FNIP1: variants seen among roughly 807,000 people sequenced by gnomAD.
FNIP1 encodes folliculin-interacting protein 1.
FNIP1 carries 40 observed loss-of-function variants against 124.5 expected under a neutral mutation model. The observed-to-expected ratio is 0.32, with a 90% confidence interval of 0.25 to 0.42. The LOEUF (loss-of-function observed/expected upper bound fraction) is 0.42. Among genes scored for constraint, FNIP1 ranks in the 10% least tolerant of loss-of-function variants. The probability of loss-of-function intolerance (pLI) is 1.00; values close to 1 mark genes in which losing one functional copy is unlikely to be tolerated. For synonymous variants in FNIP1, 472 were observed against 470.6 expected (o/e 1.00, Z -0.04); for missense variants, 1,176 against 1,403.7 (o/e 0.84, Z 2.59).
chr5:131,780,106 C>A (rs150048057), intron 1 of FNIP1, among the ~76,000 whole-genome samples: 1 of 152,134 alleles, frequency 6.6e-6, no homozygotes, highest in South Asian at 2.1e-4. Flanking sequence ...GCAAGGGACA[C>A]TGACACATTC....
At chr5:131,727,006 TGA>T (rs1198811701) in intron 3 of FNIP1, among the ~76,000 whole-genome samples, 1 of 152,248 alleles carries the variant, frequency 6.6e-6, no homozygotes, top group East Asian at 1.9e-4. Context: ...CACTTTGGTC[TGA>T]GAGACTGTTT....
At chr5:131,718,922 G>A in intron 5 of FNIP1, 64 bp downstream of exon 5, 1 of 1,342,832 alleles carries the variant, frequency 7.4e-7, no homozygotes, top group Admixed American at 1.8e-5. Flanking sequence ...AAAAGCAGTT[G>A]GTTAGTTTTC....
rs746967626 is a variant in FNIP1, at chr5:131,672,613, T to C, written c.1831A>G (p.Lys611Glu). ...CCAAGGAGTGGATGACTGCAATATT[T>C]ACAGTTACAATTGGGAGTTCTAATT... The part of the protein sequence containing the change: ...EEIRTPNCNC[K>E]YCSHPLLGQN... Residue 611 changes from lysine to glutamate, a missense_variant, in exon 14 of 18, where the codon AAA becomes GAA. By Grantham distance (56) the Lys-to-Glu change is moderately conservative. This residue lies in a region of FNIP1 where 1,109 missense variants were observed against 1,288.5 expected (regional missense o/e 0.86). Coordinates refer to ENST00000510461, the MANE Select transcript of FNIP1 (RefSeq NM_133372.3). The C allele has an allele frequency of 3.1e-6, 5 of 1,614,096 alleles. No individual in the cohort carries two copies. In the East Asian group the frequency reaches 1.1e-4, roughly 36 times the overall value.
At chr5:131,738,450 T>C (rs771724800) in intron 2 of FNIP1, among the ~76,000 whole-genome samples, 1 of 152,162 alleles carries the variant, frequency 6.6e-6, no homozygotes, top group Non-Finnish European at 1.5e-5. Flanking sequence ...GGCTGTCAAA[T>C]TTGTCAATCT....
At chr5:131,755,116 C>T (rs1185280663) in intron 1 of FNIP1, among the ~76,000 whole-genome samples, 3 of 152,026 alleles carry the variant, frequency 2.0e-5, no homozygotes, top group South Asian at 4.2e-4. Context: ...GATGTGCAAC[C>T]GATTGATGAA....
At chr5:131,661,638 C>G (rs1767439993) in intron 15 of FNIP1, among the ~76,000 whole-genome samples, 1 of 152,186 alleles carries the variant, frequency 6.6e-6, no homozygotes, top group African/African-American at 2.4e-5. Flanking sequence ...TGGGTGACAT[C>G]TTACAAAGTT....
At chr5:131,768,896 G>A (rs1202950121) in intron 1 of FNIP1, among the ~76,000 whole-genome samples, 1 of 152,054 alleles carries the variant, frequency 6.6e-6, no homozygotes, top group East Asian at 1.9e-4. Flanking sequence ...TGACTAAGTG[G>A]GGACACACAT....
chr5:131,680,187 T>C (rs1441823374), intron 11 of FNIP1, among the ~76,000 whole-genome samples: 3 of 152,184 alleles, frequency 2.0e-5, no homozygotes, highest in Admixed American at 2.0e-4. Context: ...GATTTTATTG[T>C]GCAATACTGC....
intron 10 of FNIP1, among the ~76,000 whole-genome samples, chr5:131,699,865 G>C: frequency 8.0e-6 from 1 of 124,720 alleles, no homozygotes. Flanking sequence ...GCAGTGAGCT[G>C]AGATCATGCC....
At chr5:131,777,334 G>C (rs1359427703) in intron 1 of FNIP1, among the ~76,000 whole-genome samples, 6 of 151,600 alleles carry the variant, frequency 4.0e-5, no homozygotes, top group African/African-American at 1.5e-4. Context: ...ATGATGACCA[G>C]TGACAATGAA....
At chr5:131,794,169 C>T (rs1251222241) in intron 1 of FNIP1, among the ~76,000 whole-genome samples, 1 of 137,982 alleles carries the variant, frequency 7.2e-6, no homozygotes, top group Non-Finnish European at 1.5e-5. Context: ...GAGGTCAAGG[C>T]TGCAATGAGC....
intron 14 of FNIP1, among the ~76,000 whole-genome samples, chr5:131,671,004 T>C (rs1256696811): frequency 2.0e-5 from 3 of 152,208 alleles, no homozygotes; most frequent in Non-Finnish European, 4.4e-5. Context: ...TACAATCAGA[T>C]TATGAAAACA....
chr5:131,786,803 T>C (rs1561708972), intron 1 of FNIP1, among the ~76,000 whole-genome samples: 1 of 152,226 alleles, frequency 6.6e-6, no homozygotes, highest in Non-Finnish European at 1.5e-5. Flanking sequence ...GATCACCAGC[T>C]GCCAGCACCA....
chr5:131,785,467 A>G (rs1331589068), intron 1 of FNIP1, among the ~76,000 whole-genome samples: 3 of 152,018 alleles, frequency 2.0e-5, no homozygotes, highest in African/African-American at 7.2e-5. Context: ...AGGCAGGAGA[A>G]TCACTTGAAC....
At chr5:131,690,679 A>G (rs528156503) in intron 11 of FNIP1, among the ~76,000 whole-genome samples, 4 of 152,338 alleles carry the variant, frequency 2.6e-5, no homozygotes, top group Admixed American at 6.5e-5. Context: ...AGTCTTGGGC[A>G]GTTCTTTATA....
chr5:131,698,221 T>C (rs1580764857), intron 11 of FNIP1, among the ~76,000 whole-genome samples: 1 of 152,270 alleles, frequency 6.6e-6, no homozygotes, highest in East Asian at 1.9e-4. Flanking sequence ...GTCTGACAGA[T>C]TCTAGAGTCT....
At chr5:131,665,410 AAAAAG>A (rs1202701083) in intron 15 of FNIP1, among the ~76,000 whole-genome samples, 3 of 151,896 alleles carry the variant, frequency 2.0e-5, no homozygotes, top group Admixed American at 1.3e-4. Flanking sequence ...AATCAGGGAG[AAAAAG>A]AAAAGACACT....
intron 11 of FNIP1, among the ~76,000 whole-genome samples, chr5:131,692,750 G>A (rs1350299123): frequency 2.6e-5 from 4 of 152,168 alleles, no homozygotes; most frequent in Non-Finnish European, 5.9e-5. Context: ...GCTCATGCAT[G>A]TAATCCCAGT....
chr5:131,759,943 T>C (rs1472993801), intron 1 of FNIP1, among the ~76,000 whole-genome samples: 1 of 152,210 alleles, frequency 6.6e-6, no homozygotes, highest in Admixed American at 6.5e-5. Context: ...TGCAGCAACA[T>C]GGAGGCGGCT....
Sources: gnomAD v4.1 joint callset for allele counts (sites outside exome capture counted in the v4.1 genomes callset) on GRCh38, gnomAD v4.1.1 for gene constraint, gnomAD v4.1.1 regional missense constraint, MANE v1.5 for transcripts, NCBI Gene and HGNC (gene_info 2026-07-23, HGNC 2026-07-21) for gene names.